The following PDE10A variants were observed in gnomAD, a reference collection of about 807,000 sequenced individuals.
PDE10A encodes the protein cAMP and cAMP-inhibited cGMP 3',5'-cyclic phosphodiesterase 10A.
PDE10A carries 39 observed loss-of-function variants against 97.7 expected under a neutral mutation model. The observed-to-expected ratio is 0.40, with a 90% confidence interval of 0.31 to 0.52. PDE10A has a LOEUF of 0.52. Among genes scored for constraint, PDE10A ranks in the 20% least tolerant of loss-of-function variants. The pLI is 0.56. For missense variants in PDE10A, 731 were observed against 1,047.8 expected (o/e 0.70, Z 4.17); for synonymous variants, 371 against 376.8 (o/e 0.98, Z 0.18).
At chr6:165,843,737 G>A (rs1459085805) in intron 1 of PDE10A, among the ~76,000 whole-genome samples, 1 of 152,202 alleles carries the variant, frequency 6.6e-6, no homozygotes, top group African/African-American at 2.4e-5. Context: ...CAGCAGAGAG[G>A]GGAATGTTGG....
intron 1 of PDE10A, among the ~76,000 whole-genome samples, chr6:165,852,325 C>T (rs770184519): frequency 4.6e-5 from 7 of 152,196 alleles, no homozygotes; most frequent in Admixed American, 6.5e-5. Context: ...AGCATGTGGA[C>T]GTAGTTTCAA....
intron 2 of PDE10A, among the ~76,000 whole-genome samples, chr6:165,515,523 CTT>C (rs376897417): frequency 3.9e-4 from 49 of 124,478 alleles, no homozygotes; most frequent in East Asian, 1.2e-3. Flanking sequence ...TGCTTTTGTT[CTT>C]TTTTTTTTTT....
At chr6:165,772,408 C>G (rs1778036874) in intron 1 of PDE10A, among the ~76,000 whole-genome samples, 1 of 152,160 alleles carries the variant, frequency 6.6e-6, no homozygotes, top group African/African-American at 2.4e-5. Flanking sequence ...CCTTCCAAGC[C>G]CCATTGTTTC....
intron 1 of PDE10A, among the ~76,000 whole-genome samples, chr6:165,615,828 C>T (rs563404583): frequency 6.6e-6 from 1 of 152,146 alleles, no homozygotes; most frequent in Admixed American, 6.6e-5. Context: ...TGCCTGTGGT[C>T]ACTTTCATTT....
intron 1 of PDE10A, among the ~76,000 whole-genome samples, chr6:165,691,201 CCCCACACACACACACA>C (rs1562687312): frequency 4.2e-5 from 1 of 24,014 alleles, no homozygotes; most frequent in Non-Finnish European, 1.1e-4. Flanking sequence ...CTCTCTCTCT[CCCCACACACACACACA>C]CACACACACA....
chr6:165,922,249 T>C (rs1489957733), intron 1 of PDE10A, among the ~76,000 whole-genome samples: 3 of 152,154 alleles, frequency 2.0e-5, no homozygotes, highest in African/African-American at 7.2e-5. Context: ...TTGGTCTTGA[T>C]TGCCATCAGA....
chr6:165,540,626 T>C (rs1783375779), intron 2 of PDE10A, among the ~76,000 whole-genome samples: 3 of 152,112 alleles, frequency 2.0e-5, no homozygotes, highest in African/African-American at 7.2e-5. Context: ...AAGGCATACT[T>C]GAGAACGGGA....
At chr6:165,600,789 G>A (rs1206443275) in intron 1 of PDE10A, among the ~76,000 whole-genome samples, 9 of 152,198 alleles carry the variant, frequency 5.9e-5, no homozygotes, top group Non-Finnish European at 1.3e-4. Context: ...AGCAGGACCT[G>A]AAGGACCTGC....
Position 165,347,095 on chromosome 6 carries a change from C to CT in PDE10A, c.2784-3594dup, listed in dbSNP as rs964477301. ...TTTTCTCTAAATTATCACCTTAATG[C>CT]TTTTTTTTTTATCTTGCTTTTAAAC... is the stretch of plus-strand genomic sequence containing the variant. On this transcript the variant is annotated intron_variant, in intron 18 of 21. Transcript: ENST00000539869. Among the ~76,000 whole-genome samples the CT allele has an allele frequency of 2.6e-3, 386 of 147,126 alleles. 1 individual carries two copies. Among genetic ancestry groups the CT allele is most frequent in the Non-Finnish European group, 4.0e-3 (263 of 66,382 alleles).
chr6:165,967,873 C>T (rs889408716), intron 1 of PDE10A, among the ~76,000 whole-genome samples: 4 of 152,200 alleles, frequency 2.6e-5, no homozygotes. Context: ...TCACCACAAA[C>T]TCTGCCTCCT....
chr6:165,963,443 T>G (rs970832135), intron 1 of PDE10A, among the ~76,000 whole-genome samples: 2 of 152,182 alleles, frequency 1.3e-5, no homozygotes, highest in Non-Finnish European at 2.9e-5. Flanking sequence ...AAGGAAGTAG[T>G]TCCGGAGGGA....
intron 1 of PDE10A, among the ~76,000 whole-genome samples, chr6:165,934,521 TC>T (rs969000021): frequency 1.3e-5 from 2 of 152,184 alleles, no homozygotes; most frequent in African/African-American, 4.8e-5. Flanking sequence ...ATCTTTATTT[TC>T]CTCAGCCCCA....
intron 2 of PDE10A, among the ~76,000 whole-genome samples, chr6:165,506,183 T>C (rs752971298): frequency 3.3e-5 from 5 of 152,154 alleles, no homozygotes; most frequent in Non-Finnish European, 5.9e-5. Flanking sequence ...CAGATTAATT[T>C]TGTCACTTAG....
At chr6:165,948,875 G>C (rs1228955725) in intron 1 of PDE10A, 1 of 152,376 alleles carries the variant, frequency 6.6e-6, no homozygotes, top group African/African-American at 2.4e-5. Context: ...GTCCCAGTGA[G>C]AGAAGCTGTG....
chr6:165,557,561 A>C (rs1355772775), intron 1 of PDE10A, among the ~76,000 whole-genome samples: 1 of 152,210 alleles, frequency 6.6e-6, no homozygotes, highest in Non-Finnish European at 1.5e-5. Flanking sequence ...CATGATATTC[A>C]TATGCAGACT....
chr6:165,792,783 C>T lies in PDE10A; in HGVS notation c.-615+194746G>A, dbSNP rs77294780. Among the ~76,000 whole-genome samples the T allele has an allele frequency of 5.2e-3, 799 of 152,296 alleles. 7 individuals carry two copies. Among genetic ancestry groups the T allele is most frequent in the African/African-American group, 0.018 (738 of 41,548 alleles). On this transcript the variant is annotated intron_variant, in intron 1 of 19. Coordinates refer to the PDE10A transcript ENST00000366882. ...TCCAACACCCCTATCCGACCTAACA[C>T]GGTTAAAAGGTTTGTAAGTGATTGT...
chr6:165,489,752 A>T (rs1038244640), intron 2 of PDE10A, among the ~76,000 whole-genome samples: 4 of 152,224 alleles, frequency 2.6e-5, no homozygotes, highest in Non-Finnish European at 5.9e-5. Context: ...ATAAATAAAA[A>T]ACAATCACAA....
chr6:165,438,770 C>A (rs1157474343), intron 5 of PDE10A, among the ~76,000 whole-genome samples: 2 of 151,826 alleles, frequency 1.3e-5, no homozygotes, highest in African/African-American at 4.8e-5. Flanking sequence ...TCAGCCTGGG[C>A]AACATAGCGA....
At chr6:165,517,031 T>G (rs570302205) in intron 2 of PDE10A, among the ~76,000 whole-genome samples, 17 of 152,262 alleles carry the variant, frequency 1.1e-4, no homozygotes, top group Admixed American at 3.9e-4. Context: ...AAAATCTCAT[T>G]AAACACATTA....
Sources: gnomAD v4.1 joint callset for allele counts (sites outside exome capture counted in the v4.1 genomes callset) on GRCh38, gnomAD v4.1.1 for gene constraint, MANE v1.5 for transcripts, NCBI Gene and HGNC (gene_info 2026-07-23, HGNC 2026-07-21) for gene names.